Variants in LRP1B observed in about 807,000 individuals in gnomAD.
LRP1B encodes low-density lipoprotein receptor-related protein 1B.
A neutral mutation model predicts 556.6 loss-of-function variants in LRP1B; 217 were observed. The observed-to-expected ratio is 0.39, with a 90% CI of 0.35 to 0.44. The LOEUF is 0.44. Ranked by LOEUF, LRP1B falls within the 20% of genes least tolerant of loss-of-function variation. The pLI is 1.00. For missense variants in LRP1B, 5,053 were observed against 5,620.8 expected (o/e 0.90, Z 3.23); for synonymous variants, 2,047 against 1,865.8 (o/e 1.10, Z -2.50).
intron 66 of LRP1B, among the ~76,000 whole-genome samples, chr2:140,428,655 C>T (rs925142179): frequency 1.3e-5 from 2 of 152,114 alleles, no homozygotes; most frequent in Admixed American, 6.5e-5. Context: ...CCATCACGGA[C>T]GTCAAGCTTC....
At chr2:141,334,301 T>C (rs574836498) in intron 3 of LRP1B, among the ~76,000 whole-genome samples, 2 of 152,282 alleles carry the variant, frequency 1.3e-5, no homozygotes, top group African/African-American at 4.8e-5. Flanking sequence ...TTTCTGAAGA[T>C]ATTGAGTTCC....
intron 41 of LRP1B, among the ~76,000 whole-genome samples, chr2:140,696,224 G>C (rs928634081): frequency 6.6e-6 from 1 of 152,052 alleles, no homozygotes; most frequent in Non-Finnish European, 1.5e-5. Flanking sequence ...CAATAACTGG[G>C]TGTTTTGAGG....
chr2:141,875,591 A>C (rs551673032), intron 1 of LRP1B, among the ~76,000 whole-genome samples: 1 of 151,990 alleles, frequency 6.6e-6, no homozygotes, highest in Admixed American at 6.6e-5. Context: ...ATAGTTTGAC[A>C]ATTATTCAAT....
chr2:140,643,987 T>G (rs1574183550), intron 41 of LRP1B, among the ~76,000 whole-genome samples: 1 of 152,338 alleles, frequency 6.6e-6, no homozygotes, highest in East Asian at 1.9e-4. Context: ...GACTTGTATT[T>G]AGTAGAGTGC....
chr2:141,306,598 G>A (rs1686598545), intron 3 of LRP1B, among the ~76,000 whole-genome samples: 1 of 151,922 alleles, frequency 6.6e-6, no homozygotes, highest in South Asian at 2.1e-4. Flanking sequence ...TTTGTAGACA[G>A]TTTGCATTTT....
intron 2 of LRP1B, among the ~76,000 whole-genome samples, chr2:141,750,226 A>G (rs569076549): frequency 5.3e-5 from 8 of 152,196 alleles, no homozygotes; most frequent in African/African-American, 1.9e-4. Context: ...TTCATTGGGA[A>G]CTTCTTTTCT....
At chr2:141,393,913 G>C (rs1690147418) in intron 3 of LRP1B, among the ~76,000 whole-genome samples, 2 of 152,000 alleles carry the variant, frequency 1.3e-5, no homozygotes, top group Admixed American at 6.6e-5. Context: ...CATTAGTATT[G>C]TATTCACTTT....
intron 7 of LRP1B, among the ~76,000 whole-genome samples, chr2:141,161,999 G>A (rs1281404188): frequency 6.6e-6 from 1 of 152,032 alleles, no homozygotes; most frequent in African/African-American, 2.4e-5. Flanking sequence ...TGAAATCTCA[G>A]ATGAAAGGGG....
At chr2:140,464,021 C>T (rs769072581) in intron 60 of LRP1B, among the ~76,000 whole-genome samples, 14 of 151,972 alleles carry the variant, frequency 9.2e-5, no homozygotes, top group African/African-American at 3.4e-4. Flanking sequence ...TATGGTGAAC[C>T]AACATCTCTA....
At chr2:140,949,403 G>A (rs1488331233) in intron 20 of LRP1B, among the ~76,000 whole-genome samples, 1 of 152,076 alleles carries the variant, frequency 6.6e-6, no homozygotes, top group Non-Finnish European at 1.5e-5. Context: ...AGTAAGCCAG[G>A]CGAATGACAG....
chr2:140,748,768 T>C (rs1356744134), intron 35 of LRP1B, among the ~76,000 whole-genome samples: 2 of 92,862 alleles, frequency 2.2e-5, no homozygotes, highest in Admixed American at 1.3e-4. Context: ...TATATACATG[T>C]ATATAATATG....
chr2:141,963,307 T>C (rs1020085546), intron 1 of LRP1B, among the ~76,000 whole-genome samples: 1 of 151,912 alleles, frequency 6.6e-6, no homozygotes, highest in African/African-American at 2.4e-5. Context: ...CAATTTCAAT[T>C]GTATGTTTTA....
At chr2:140,594,124 A>T (rs1217127815) in intron 43 of LRP1B, among the ~76,000 whole-genome samples, 1 of 151,918 alleles carries the variant, frequency 6.6e-6, no homozygotes, top group Admixed American at 6.6e-5. Context: ...ACGTGCCACC[A>T]TGCCCGGCTA....
chr2:141,569,249 G>A (rs1440009438), intron 2 of LRP1B, among the ~76,000 whole-genome samples: 1 of 150,900 alleles, frequency 6.6e-6, no homozygotes, highest in Non-Finnish European at 1.5e-5. Flanking sequence ...TCTCAAAAAG[G>A]GGAACATATT....
intron 2 of LRP1B, among the ~76,000 whole-genome samples, chr2:141,602,024 G>A (rs190344400): frequency 2.6e-5 from 4 of 152,118 alleles, no homozygotes; most frequent in Admixed American, 6.5e-5. Context: ...GGAAATCTCT[G>A]TCACTGGAGC....
At chr2:140,911,869 A>T (rs1694429597) in intron 21 of LRP1B, among the ~76,000 whole-genome samples, 1 of 151,828 alleles carries the variant, frequency 6.6e-6, no homozygotes, top group South Asian at 2.1e-4. Flanking sequence ...TTCAACAGAT[A>T]TATCTATAAA....
At chr2:141,063,452 C>T (rs1699394908) in intron 7 of LRP1B, among the ~76,000 whole-genome samples, 2 of 151,858 alleles carry the variant, frequency 1.3e-5, no homozygotes, top group African/African-American at 4.8e-5. Context: ...ATATATTTCA[C>T]CAAATGTTCT....
intron 1 of LRP1B, among the ~76,000 whole-genome samples, chr2:141,900,388 T>C (rs1699581819): frequency 6.6e-6 from 1 of 152,122 alleles, no homozygotes; most frequent in African/African-American, 2.4e-5. Context: ...TGGTTATACC[T>C]ATGTATGTCA....
chr2:141,126,445 G>GT (rs753370708), intron 7 of LRP1B, among the ~76,000 whole-genome samples: 11 of 152,168 alleles, frequency 7.2e-5, no homozygotes, highest in Non-Finnish European at 1.0e-4. Context: ...TCCTTCCCTT[G>GT]TCTGGAAAAT....
Sources: allele counts gnomAD v4.1 joint callset (sites outside exome capture counted in the v4.1 genomes callset), GRCh38; gene constraint gnomAD v4.1.1; transcripts MANE v1.5; gene names NCBI Gene and HGNC (gene_info 2026-07-23, HGNC 2026-07-21).